The following IL16 variants were observed in gnomAD, a reference collection of about 807,000 sequenced individuals.
IL16 encodes interleukin 16, also known as pro-interleukin-16.
In IL16, 67 loss-of-function variants were observed where a neutral mutation model predicts 110.1. That is an observed-to-expected ratio of 0.61 (90% CI 0.50 to 0.75). The LOEUF (loss-of-function observed/expected upper bound fraction) is 0.75. Among genes scored for constraint, IL16 ranks in the 30% least tolerant of loss-of-function variants. The pLI is 0.00. For missense variants in IL16, 1,545 were observed against 1,655.0 expected (o/e 0.93, Z 1.15); for synonymous variants, 689 against 662.9 (o/e 1.04, Z -0.61).
chr15:81,222,220 G>A (rs1192469125), intron 1 of IL16, among the ~76,000 whole-genome samples: 2 of 152,028 alleles, frequency 1.3e-5, no homozygotes, highest in Non-Finnish European at 2.9e-5. Context: ...AGGATGAAGG[G>A]GGCAGAGTTG....
chr15:81,220,501 C>A (rs1896577477), intron 1 of IL16, among the ~76,000 whole-genome samples: 1 of 152,156 alleles, frequency 6.6e-6, no homozygotes, highest in Non-Finnish European at 1.5e-5. Context: ...TTCTTCATTT[C>A]TTATCATTGA....
rs1900388241 is a variant in IL16, at chr15:81,303,333, C to T, written c.3319-216C>T. On this transcript the variant is annotated intron_variant, in intron 15 of 18. Coordinates refer to ENST00000683961, the MANE Select transcript of IL16 (RefSeq NM_172217.5). The surrounding 1 kb of genome is among the most constrained non-coding windows in gnomAD (Gnocchi z 4.1). The stretch of plus-strand genomic sequence containing the variant: ...TGAGAGAGGAAAATAATTATGCTTG[C>T]TGCTTTACATACATTTTTTTTTTCT... The T allele has an allele frequency of 3.7e-6, 2 of 536,196 alleles. No individual in the cohort carries two copies. The highest frequency in any genetic ancestry group is 6.7e-6 in the Non-Finnish European group (2 of 300,662). The allele number at this position is 536,196 out of a possible 1,614,324, so 33.2% of individuals were successfully genotyped here.
At chr15:81,294,493 G>A (rs901836174) in intron 12 of IL16, among the ~76,000 whole-genome samples, 3 of 152,192 alleles carry the variant, frequency 2.0e-5, no homozygotes, top group African/African-American at 7.2e-5. Context: ...ATATTCCCGA[G>A]TAAGGCGTCT....
At chr15:81,307,744 T>C (rs1305225118) in intron 18 of IL16, among the ~76,000 whole-genome samples, 3 of 152,200 alleles carry the variant, frequency 2.0e-5, no homozygotes, top group Non-Finnish European at 4.4e-5. Context: ...GAGATGCAGA[T>C]TCTGGAGCCA....
Position 81,292,561 on chromosome 15 carries a change from A to G in IL16, c.1426A>G (p.Lys476Glu), listed in dbSNP as rs754440654. 6.8e-6 allele frequency: 11 copies of G among 1,606,338 alleles called. No homozygotes were observed. In the East Asian group the frequency reaches 2.5e-4, roughly 36 times the overall value. The change falls in exon 12 of 19, where the codon AAA (lysine) becomes GAA (glutamate). Residue 476 changes from lysine to glutamate, a missense_variant. Transcript: ENST00000683961. ...ERHQWSLEGV[K>E]RLESSWHGRP... The stretch of plus-strand genomic sequence containing the variant: ...CTCTTGTGCTTCCCACACAGGTGTC[A>G]AAAGGCTGGAAAGCAGTTGGCACGG...
At chr15:81,220,797 A>G (rs1447894039) in intron 1 of IL16, among the ~76,000 whole-genome samples, 2 of 57,318 alleles carry the variant, frequency 3.5e-5, no homozygotes, top group East Asian at 2.5e-3. Context: ...TTGTTGAATG[A>G]AAAAAAAAAA....
intron 2 of IL16, among the ~76,000 whole-genome samples, chr15:81,231,643 G>A (rs552105985): frequency 6.6e-6 from 1 of 152,148 alleles, no homozygotes; most frequent in Non-Finnish European, 1.5e-5. Context: ...ACAGTGCTGG[G>A]ATTACAAGAG....
rs766854614 is a variant in IL16, at chr15:81,299,748, G to C, written c.2422G>C (p.Gly808Arg). The change falls in exon 14 of 19, where the codon GGG becomes CGG. Residue 808 changes from glycine (G) to arginine (R), a missense_variant. By Grantham distance (125) the Gly-to-Arg change is moderately radical. Around this residue, in one of 3 missense-constraint regions of IL16, gnomAD observed 1,185 missense variants for 1,238.8 expected, o/e 0.96. Transcript: ENST00000683961. ...GAGGAATCGTGCTTCAGACCCAAGA[G>C]GGCTCCCTGATCCTGCCTTGTCCAC... The part of the protein sequence containing the change: ...GLRNRASDPR[G>R]LPDPALSTQP... 12 of 1,614,168 alleles carry C rather than the reference G, an allele frequency of 7.4e-6. No individual in the cohort carries two copies. The highest frequency in any genetic ancestry group is 9.3e-6 in the Non-Finnish European group (11 of 1,180,038).
intron 8 of IL16, 124 bp downstream of exon 8, chr15:81,279,898 G>A: frequency 1.3e-6 from 1 of 784,822 alleles, no homozygotes; most frequent in South Asian, 1.7e-5. Flanking sequence ...ACATTTTACA[G>A]CTACTGCTTG....
chr15:81,298,999 G>C (rs1212782869), intron 13 of IL16, among the ~76,000 whole-genome samples: 2 of 152,234 alleles, frequency 1.3e-5, no homozygotes, highest in Non-Finnish European at 2.9e-5. Context: ...GTATCTTGGA[G>C]GCTCCTTAGT....
intron 15 of IL16, 136 bp downstream of exon 15, chr15:81,301,648 C>A: frequency 1.5e-6 from 1 of 669,234 alleles, no homozygotes; most frequent in Non-Finnish European, 2.5e-6. Context: ...GATGGTGGGA[C>A]ACTGTAGCAC....
chr15:81,292,989 A>T lies in IL16; in HGVS notation c.1854A>T (p.Arg618Ser), dbSNP rs776310946. The T allele has an allele frequency of 6.2e-7, 1 of 1,613,232 alleles. No individual in the cohort carries two copies. The highest frequency in any genetic ancestry group is 2.2e-5 in the East Asian group (1 of 44,892). ...DSDPQKSLEE[R>S]ENSSCSSGHT... ...ACCCTCAGAAGAGTCTGGAAGAGAG[A>T]GAGAACTCCTCATGCTCTTCTGGGC... The change falls in exon 12 of 19, where the codon AGA (arginine) becomes AGT (serine). Residue 618 changes from arginine (R) to serine (S), a missense_variant. Around this residue, in one of 3 missense-constraint regions of IL16, gnomAD observed 1,185 missense variants for 1,238.8 expected, o/e 0.96. Coordinates refer to ENST00000683961, the MANE Select transcript of IL16 (RefSeq NM_172217.5).
chr15:81,201,930 T>C (rs1326463363), intron 1 of IL16, among the ~76,000 whole-genome samples: 1 of 152,226 alleles, frequency 6.6e-6, no homozygotes, highest in African/African-American at 2.4e-5. Context: ...TGTATCTTGA[T>C]GATCACTTAC....
chr15:81,209,001 G>A (rs1445317914), intron 1 of IL16, among the ~76,000 whole-genome samples: 1 of 152,174 alleles, frequency 6.6e-6, no homozygotes, highest in Non-Finnish European at 1.5e-5. Context: ...AAACAGAACA[G>A]TGCACATAGT....
intron 1 of IL16, among the ~76,000 whole-genome samples, chr15:81,211,044 T>C (rs549554097): frequency 6.6e-6 from 1 of 151,996 alleles, no homozygotes; most frequent in African/African-American, 2.4e-5. Context: ...GAGAGATTTT[T>C]TGGGTTTTTT....
chr15:81,214,431 A>G (rs558137995), intron 1 of IL16, among the ~76,000 whole-genome samples: 1 of 152,296 alleles, frequency 6.6e-6, no homozygotes, highest in South Asian at 2.1e-4. Flanking sequence ...TTTGCTTTGA[A>G]AATGCTGAAA....
upstream of IL16, among the ~76,000 whole-genome samples, chr15:81,195,362 G>C (rs1895570477): frequency 6.6e-6 from 1 of 152,158 alleles, no homozygotes; most frequent in African/African-American, 2.4e-5. Flanking sequence ...AGTGGGGCCT[G>C]AGTCTGTCCT....
chr15:81,253,004 G>A (rs1373948377), intron 2 of IL16, among the ~76,000 whole-genome samples: 3 of 152,140 alleles, frequency 2.0e-5, no homozygotes, highest in Non-Finnish European at 4.4e-5. Flanking sequence ...GAATGGAACT[G>A]CTGCATCATA....
At chr15:81,210,303 G>A (rs908778704) in intron 1 of IL16, among the ~76,000 whole-genome samples, 5 of 152,082 alleles carry the variant, frequency 3.3e-5, no homozygotes, top group Admixed American at 2.6e-4. Flanking sequence ...GTCATGTGAT[G>A]TTCTTCTGTT....
Sources: gnomAD v4.1 joint callset for allele counts (sites outside exome capture counted in the v4.1 genomes callset) on GRCh38, gnomAD v4.1.1 for gene constraint, gnomAD v4.1.1 regional missense constraint, Gnocchi (gnomAD v3.1) non-coding constraint, MANE v1.5 for transcripts, NCBI Gene and HGNC (gene_info 2026-07-23, HGNC 2026-07-21) for gene names.